ICOS: variants seen among roughly 807,000 people sequenced by gnomAD.
ICOS encodes the protein inducible T cell costimulator, also known as inducible T-cell costimulator.
A neutral mutation model predicts 24.6 loss-of-function variants in ICOS; 15 were observed. The observed-to-expected ratio is 0.61, with a 90% confidence interval of 0.41 to 0.94. The LOEUF is 0.94. ICOS is among the 40% of genes least tolerant of loss of function. ICOS has a pLI of 0.00. For missense variants in ICOS, 200 were observed against 233.0 expected, an observed-to-expected ratio of 0.86 and a Z score of 0.92; for synonymous variants, 89 against 77.5, an observed-to-expected ratio of 1.15 and a Z score of -0.78.
At chr2:203,947,252 T>G (rs1689889201) in intron 1 of ICOS, among the ~76,000 whole-genome samples, 1 of 152,192 alleles carries the variant, frequency 6.6e-6, no homozygotes, top group Non-Finnish European at 1.5e-5. Context: ...ATAAAGATTT[T>G]TATTTTACTC....
intron 1 of ICOS, among the ~76,000 whole-genome samples, chr2:203,943,046 T>C (rs1183089943): frequency 3.3e-5 from 5 of 152,242 alleles, no homozygotes; most frequent in Non-Finnish European, 7.3e-5. Context: ...TGAATATTTC[T>C]GCCTTCACTT....
chr2:203,937,053 G>T (rs983543492), intron 1 of ICOS, among the ~76,000 whole-genome samples, 181 bp downstream of exon 1: 1 of 152,128 alleles, frequency 6.6e-6, no homozygotes, highest in African/African-American at 2.4e-5. Flanking sequence ...CATTGAGTTT[G>T]CATTGCTGCC....
chr2:203,946,527 G>T (rs1463760391), intron 1 of ICOS, among the ~76,000 whole-genome samples: 1 of 151,484 alleles, frequency 6.6e-6, no homozygotes, highest in East Asian at 1.9e-4. Context: ...TAGATTATGG[G>T]TGCCTTTGAA....
At chr2:203,950,274 G>A (rs982731252) in intron 1 of ICOS, among the ~76,000 whole-genome samples, 1 of 152,218 alleles carries the variant, frequency 6.6e-6, no homozygotes, top group Non-Finnish European at 1.5e-5. Context: ...ACTCATCAGA[G>A]GCCCAAGGCA....
intron 1 of ICOS, among the ~76,000 whole-genome samples, chr2:203,945,976 C>T (rs1425925017): frequency 1.3e-5 from 2 of 152,056 alleles, no homozygotes; most frequent in African/African-American, 4.8e-5. Context: ...TGTCCATGTG[C>T]CCAAGGAGTT....
At chr2:203,940,205 A>G (rs1689738382) in intron 1 of ICOS, among the ~76,000 whole-genome samples, 1 of 152,130 alleles carries the variant, frequency 6.6e-6, no homozygotes, top group African/African-American at 2.4e-5. Context: ...AGAACTTAAG[A>G]ATGTTCTTCC....
intron 1 of ICOS, among the ~76,000 whole-genome samples, chr2:203,943,520 C>G (rs983682613): frequency 2.0e-5 from 3 of 152,148 alleles, no homozygotes; most frequent in Non-Finnish European, 4.4e-5. Flanking sequence ...ATCTATGGGT[C>G]TCTCAGCCAT....
chr2:203,937,020 G>A (rs1012070831), intron 1 of ICOS, 148 bp downstream of exon 1: 28 of 668,176 alleles, frequency 4.2e-5, no homozygotes, highest in Non-Finnish European at 6.7e-5. Flanking sequence ...AGGGCACCAT[G>A]TCACTCATGT....
intron 3 of ICOS, among the ~76,000 whole-genome samples, chr2:203,957,214 C>T (rs899996235): frequency 2.6e-5 from 4 of 152,140 alleles, no homozygotes; most frequent in African/African-American, 9.7e-5. Flanking sequence ...TAAAAACAGT[C>T]AGCAAGAAAG....
At chr2:203,951,674 T>C (rs1410231817) in intron 1 of ICOS, among the ~76,000 whole-genome samples, 1 of 152,222 alleles carries the variant, frequency 6.6e-6, no homozygotes, top group African/African-American at 2.4e-5. Flanking sequence ...TGTGTATACA[T>C]GGTGACCACA....
chr2:203,950,230 G>A (rs967002927), intron 1 of ICOS, among the ~76,000 whole-genome samples: 8 of 152,296 alleles, frequency 5.3e-5, no homozygotes, highest in South Asian at 2.1e-4. Context: ...GCCTAGGGGC[G>A]AAATCTGGTG....
intron 1 of ICOS, 94 bp downstream of exon 1, chr2:203,936,966 T>C (rs1161650825): frequency 4.3e-6 from 4 of 938,446 alleles, no homozygotes; most frequent in Non-Finnish European, 6.8e-6. Flanking sequence ...CAAAAGACAG[T>C]GGTTTTGGTT....
intron 3 of ICOS, among the ~76,000 whole-genome samples, chr2:203,957,222 A>G (rs1247202445): frequency 6.6e-6 from 1 of 152,226 alleles, no homozygotes. Context: ...GTCAGCAAGA[A>G]AGCCTTCTAA....
intron 1 of ICOS, among the ~76,000 whole-genome samples, chr2:203,937,112 A>G (rs1321116100): frequency 6.6e-6 from 1 of 152,132 alleles, no homozygotes; most frequent in Non-Finnish European, 1.5e-5. Context: ...AGACCATTAA[A>G]TTTTTAAATT....
At chr2:203,955,584 G>T in intron 1 of ICOS, 52 bp from the exon 2 acceptor site, 2 of 1,407,032 alleles carry the variant, frequency 1.4e-6, no homozygotes, top group South Asian at 2.3e-5. Flanking sequence ...ATAATTATTA[G>T]GGCAACATTA....
At chr2:203,954,815 A>T (rs62177475) in intron 1 of ICOS, among the ~76,000 whole-genome samples, 26,506 of 150,266 alleles carry the variant, frequency 0.18, 2,899 homozygotes, top group East Asian at 0.37. Context: ...ATATATACAC[A>T]CACATAGTCT....
intron 1 of ICOS, among the ~76,000 whole-genome samples, chr2:203,952,615 A>T (rs1223521867): frequency 2.0e-5 from 3 of 152,070 alleles, no homozygotes; most frequent in Admixed American, 2.0e-4. Flanking sequence ...TGGTTCACCA[A>T]TTTTCTCTTT....
At chr2:203,944,453 T>C (rs1165284817) in intron 1 of ICOS, among the ~76,000 whole-genome samples, 1 of 152,022 alleles carries the variant, frequency 6.6e-6, no homozygotes, top group African/African-American at 2.4e-5. Context: ...GAGAGGAGGG[T>C]CTCCCTTTCC....
chr2:203,959,443 GGTGTGTGTGTGAGTGT>G, intron 4 of ICOS, 127 bp from the exon 5 acceptor site: 1 of 726,316 alleles, frequency 1.4e-6, no homozygotes. Context: ...GAGTTTGCAT[GGTGTGTGTGTGAGTGT>G]GTGTGTGTGT....
Sources: allele counts gnomAD v4.1 joint callset (sites outside exome capture counted in the v4.1 genomes callset), GRCh38; gene constraint gnomAD v4.1.1; transcripts MANE v1.5; gene names NCBI Gene and HGNC (gene_info 2026-07-23, HGNC 2026-07-21).